The following FNIP1 variants were observed in gnomAD, a reference collection of about 807,000 sequenced individuals.
FNIP1 encodes folliculin interacting protein 1.
Under a neutral mutation model 124.5 loss-of-function variants are expected in FNIP1, and 40 were observed. The observed-to-expected ratio is 0.32, with a 90% confidence interval of 0.25 to 0.42. The LOEUF (loss-of-function observed/expected upper bound fraction) is 0.42. Among genes scored for constraint, FNIP1 ranks in the 10% least tolerant of loss-of-function variants. The probability of loss-of-function intolerance (pLI) is 1.00; values close to 1 mark genes in which losing one functional copy is unlikely to be tolerated. For synonymous variants in FNIP1, 472 were observed against 470.6 expected (o/e 1.00, Z -0.04); for missense variants, 1,176 against 1,403.7 (o/e 0.84, Z 2.59).
At chr5:131,660,761 T>G (rs895778183) in intron 15 of FNIP1, among the ~76,000 whole-genome samples, 1 of 152,212 alleles carries the variant, frequency 6.6e-6, no homozygotes, top group African/African-American at 2.4e-5. Context: ...GGGGCTCATC[T>G]GGGATCACCC....
chr5:131,650,215 G>C (rs926520866), intron 16 of FNIP1, among the ~76,000 whole-genome samples: 4 of 152,096 alleles, frequency 2.6e-5, no homozygotes, highest in African/African-American at 9.7e-5. Context: ...GAGTAGTAAT[G>C]ATATCCTAAT....
At chr5:131,731,179 G>A in intron 2 of FNIP1, 141 bp from the exon 3 acceptor site, 1 of 710,434 alleles carries the variant, frequency 1.4e-6, no homozygotes, top group Non-Finnish European at 2.2e-6. Flanking sequence ...GCATTTTGCT[G>A]TATTTTCTCC....
At chr5:131,768,334 G>C (rs901117789) in intron 1 of FNIP1, among the ~76,000 whole-genome samples, 5 of 152,106 alleles carry the variant, frequency 3.3e-5, no homozygotes, top group African/African-American at 4.8e-5. Flanking sequence ...CCTGGCCTAT[G>C]TGGTTTAACT....
intron 1 of FNIP1, among the ~76,000 whole-genome samples, chr5:131,772,169 A>G (rs1484390123): frequency 6.6e-6 from 1 of 152,316 alleles, no homozygotes; most frequent in East Asian, 1.9e-4. Flanking sequence ...ACAATGTATG[A>G]TATCATTTAT....
rs1324107418 is a variant in FNIP1 at position 131,730,885 on chromosome 5, A to G, written c.354+19T>C. ...TAATTATAAATGAATGAATAAATAA[A>G]TGACATCAATGATCTTACCTGGTAC... On this transcript the variant is annotated intron_variant, in intron 3 of 17. Transcript: ENST00000510461. The G allele has an allele frequency of 6.4e-7, 1 of 1,573,640 alleles. No individual in the cohort carries two copies. Among genetic ancestry groups the G allele is most frequent in the Non-Finnish European group, 8.6e-7 (1 of 1,158,884 alleles).
At chr5:131,690,813 A>G (rs1223012987) in intron 11 of FNIP1, among the ~76,000 whole-genome samples, 2 of 152,230 alleles carry the variant, frequency 1.3e-5, no homozygotes, top group Admixed American at 6.5e-5. Flanking sequence ...CCAAGAAGAC[A>G]TAATTATCCT....
intron 15 of FNIP1, among the ~76,000 whole-genome samples, chr5:131,654,381 T>C (rs6880740): frequency 0.075 from 11,348 of 152,256 alleles, 867 homozygotes; most frequent in African/African-American, 0.2. Context: ...CTCTCTAACT[T>C]TTAATGTTAC....
chr5:131,710,764 C>G, intron 6 of FNIP1, 103 bp from the exon 7 acceptor site: 1 of 791,810 alleles, frequency 1.3e-6, no homozygotes, highest in Non-Finnish European at 2.0e-6. Context: ...AGCAGACCAA[C>G]AAATATGGAT....
chr5:131,782,207 T>C (rs1315511879), intron 1 of FNIP1, among the ~76,000 whole-genome samples: 6 of 151,998 alleles, frequency 3.9e-5, no homozygotes, highest in Non-Finnish European at 7.4e-5. Context: ...AGGCTATAGC[T>C]GCCATAAATA....
At chr5:131,738,561 G>A (rs1409369111) in intron 2 of FNIP1, among the ~76,000 whole-genome samples, 2 of 152,098 alleles carry the variant, frequency 1.3e-5, no homozygotes, top group Non-Finnish European at 2.9e-5. Context: ...TGGCATGACT[G>A]CAATCTTGGC....
chr5:131,672,150 G>A lies in FNIP1; in HGVS notation c.2294C>T (p.Thr765Ile), dbSNP rs1260312701. The A allele has an allele frequency of 6.2e-7, 1 of 1,614,202 alleles. No individual in the cohort carries two copies. The highest frequency in any genetic ancestry group is 8.5e-7 in the Non-Finnish European group (1 of 1,180,042). Residue 765 changes from threonine to isoleucine, a missense_variant, in exon 14 of 18, where the codon ACT becomes ATT. By Grantham distance (89) the Thr-to-Ile change is moderately conservative. Around this residue, in one of 2 missense-constraint regions of FNIP1, gnomAD observed 1,109 missense variants for 1,288.5 expected, o/e 0.86. Coordinates refer to ENST00000510461, the MANE Select transcript of FNIP1 (RefSeq NM_133372.3). ...CACCACTGCCTGACTTCGAAGCTCAGTATCTGAATCAGGTGACATAGAATC... is the reference window on the plus strand; with the variant it reads ...CACCACTGCCTGACTTCGAAGCTCAATATCTGAATCAGGTGACATAGAATC... ...IGDSMSPDSD[T>I]ELRSQAVVDQ...
At chr5:131,659,733 T>C (rs1451279518) in intron 15 of FNIP1, among the ~76,000 whole-genome samples, 1 of 151,952 alleles carries the variant, frequency 6.6e-6, no homozygotes, top group African/African-American at 2.4e-5. Flanking sequence ...ACGGCTGGGG[T>C]GTTGAAGGTC....
chr5:131,673,223 ATT>A (rs1347623845), intron 13 of FNIP1, among the ~76,000 whole-genome samples: 3 of 136,502 alleles, frequency 2.2e-5, no homozygotes, highest in Admixed American at 7.3e-5. Context: ...AATTTTTTGT[ATT>A]TTTTTTTTTT....
intron 16 of FNIP1, among the ~76,000 whole-genome samples, chr5:131,650,100 G>A (rs1469059277): frequency 6.6e-6 from 1 of 151,952 alleles, no homozygotes; most frequent in Non-Finnish European, 1.5e-5. Flanking sequence ...TATCTCTTTG[G>A]GGTCTCTTGA....
chr5:131,645,694 A>G (rs1766860559), intron 17 of FNIP1, among the ~76,000 whole-genome samples: 1 of 152,240 alleles, frequency 6.6e-6, no homozygotes, highest in African/African-American at 2.4e-5. Context: ...CAAGGAATTT[A>G]TCCTACAAAT....
intron 10 of FNIP1, among the ~76,000 whole-genome samples, chr5:131,703,734 G>C (rs1401444391): frequency 1.3e-5 from 2 of 152,098 alleles, no homozygotes; most frequent in Non-Finnish European, 1.5e-5. Context: ...TTCTTCACAG[G>C]ACTTATTACA....
intron 1 of FNIP1, among the ~76,000 whole-genome samples, chr5:131,763,456 G>A (rs1486564213): frequency 6.6e-6 from 1 of 152,168 alleles, no homozygotes; most frequent in African/African-American, 2.4e-5. Flanking sequence ...AGTTCTGTAG[G>A]CTGTACAGGA....
intron 1 of FNIP1, among the ~76,000 whole-genome samples, chr5:131,776,413 C>G (rs1269402340): frequency 6.6e-6 from 1 of 152,086 alleles, no homozygotes; most frequent in Non-Finnish European, 1.5e-5. Context: ...AGCATCTGTC[C>G]ACCGAAAGAC....
intron 11 of FNIP1, among the ~76,000 whole-genome samples, chr5:131,688,551 T>A (rs946292578): frequency 6.6e-6 from 1 of 151,468 alleles, no homozygotes; most frequent in African/African-American, 2.4e-5. Context: ...ATTATCAGAA[T>A]GGGAATTGAA....
Sources: gnomAD v4.1 joint callset for allele counts (sites outside exome capture counted in the v4.1 genomes callset) on GRCh38, gnomAD v4.1.1 for gene constraint, gnomAD v4.1.1 regional missense constraint, MANE v1.5 for transcripts, NCBI Gene and HGNC (gene_info 2026-07-23, HGNC 2026-07-21) for gene names.